RIPOR2: variants seen among roughly 807,000 people sequenced by gnomAD.
RIPOR2 encodes the protein RHO family interacting cell polarization regulator 2, also known as rho family-interacting cell polarization regulator 2.
Under a neutral mutation model 114.5 loss-of-function variants are expected in RIPOR2, and 39 were observed. That is an observed-to-expected ratio of 0.34 (90% CI 0.26 to 0.44). The LOEUF (loss-of-function observed/expected upper bound fraction) is 0.44, where lower values mean the gene tolerates loss of function less well. Among genes scored for constraint, RIPOR2 ranks in the 20% least tolerant of loss-of-function variants. The pLI is 1.00. For missense variants in RIPOR2, 1,007 were observed against 1,255.1 expected, an observed-to-expected ratio of 0.80 and a Z score of 2.99; for synonymous variants, 445 against 484.4, an observed-to-expected ratio of 0.92 and a Z score of 1.07.
At chr6:24,979,112 C>G (rs1202687811) in intron 1 of RIPOR2, among the ~76,000 whole-genome samples, 2 of 152,094 alleles carry the variant, frequency 1.3e-5, no homozygotes, top group African/African-American at 2.4e-5. Flanking sequence ...TCTATCACTC[C>G]TTATGAGATA....
intron 6 of RIPOR2, among the ~76,000 whole-genome samples, chr6:24,868,609 C>T (rs2747671): frequency 0.4 from 61,188 of 151,768 alleles, 12,990 homozygotes; most frequent in African/African-American, 0.55. Context: ...AAATGGCACC[C>T]GAAAACCATG....
chr6:24,862,656 C>T (rs886641941), intron 7 of RIPOR2, among the ~76,000 whole-genome samples: 4 of 152,256 alleles, frequency 2.6e-5, no homozygotes, highest in East Asian at 1.9e-4. Flanking sequence ...GAGTATTGGG[C>T]ACTTCTGTGA....
chr6:24,899,173 G>A (rs903591572), intron 1 of RIPOR2, among the ~76,000 whole-genome samples: 1 of 152,050 alleles, frequency 6.6e-6, no homozygotes, highest in Non-Finnish European at 1.5e-5. Context: ...GTGGGAACAA[G>A]TAGTGTGATC....
chr6:24,875,659 T>C (rs1379223498), intron 2 of RIPOR2, 32 bp downstream of exon 2: 2 of 1,597,806 alleles, frequency 1.3e-6, no homozygotes, highest in Admixed American at 3.5e-5. Context: ...CTTGGCAAGC[T>C]GCATCCCGGG....
At chr6:24,979,822 TACTTA>T (rs1448365074) in intron 1 of RIPOR2, among the ~76,000 whole-genome samples, 1 of 152,256 alleles carries the variant, frequency 6.6e-6, no homozygotes, top group African/African-American at 2.4e-5. Context: ...TCCATTTAAC[TACTTA>T]CTGCCTTTGT....
chr6:25,023,823 G>A (rs888791265), intron 1 of RIPOR2: 4 of 747,268 alleles, frequency 5.4e-6, no homozygotes, highest in South Asian at 1.3e-5. Flanking sequence ...ACTCGATCTC[G>A]AGGATGTCAG....
chr6:24,907,567 A>G (rs1353871952), intron 1 of RIPOR2, among the ~76,000 whole-genome samples: 1 of 152,240 alleles, frequency 6.6e-6, no homozygotes, highest in African/African-American at 2.4e-5. Flanking sequence ...AACCCAGAGA[A>G]GAAGTTGGTG....
intron 1 of RIPOR2, among the ~76,000 whole-genome samples, chr6:24,982,590 C>T (rs1774342588): frequency 6.6e-6 from 1 of 152,174 alleles, no homozygotes; most frequent in Non-Finnish European, 1.5e-5. Flanking sequence ...AGCCCAATGA[C>T]TTGCTTACTT....
At chr6:24,807,370 G>A (rs1780839245) in intron 21 of RIPOR2, among the ~76,000 whole-genome samples, 1 of 152,210 alleles carries the variant, frequency 6.6e-6, no homozygotes, top group Non-Finnish European at 1.5e-5. Context: ...CTACTTGGGA[G>A]GCTGAGGCAG....
At chr6:24,849,438 G>T (rs4451128) in intron 11 of RIPOR2, among the ~76,000 whole-genome samples, 111,138 of 152,146 alleles carry the variant, frequency 0.73, 41,271 homozygotes, top group East Asian at 0.9. Context: ...TCAAAGTACC[G>T]CCTATTGGAC....
chr6:24,839,585 G>A (rs1471599477), intron 13 of RIPOR2: 2 of 1,521,862 alleles, frequency 1.3e-6, no homozygotes, highest in Non-Finnish European at 1.8e-6. Flanking sequence ...ATCCATTAGA[G>A]GATCTTCTCT....
intron 17 of RIPOR2, among the ~76,000 whole-genome samples, chr6:24,829,487 G>C (rs1021139212): frequency 6.6e-6 from 1 of 151,990 alleles, no homozygotes; most frequent in African/African-American, 2.4e-5. Flanking sequence ...AATTGGCCAG[G>C]CATGTTGGCA....
rs1561855901 is a variant in RIPOR2 at position 25,031,745 on chromosome 6, AT to A, written c.76+10105del. On this transcript the variant is annotated intron_variant, in intron 1 of 13. Transcript: ENST00000510784. ...TATATATATATATATATATATATAT[AT>A]ATATAAAATATCCATAGAATATATA... 1.3e-3 allele frequency among the ~76,000 whole-genome samples: 93 copies of A among 73,496 alleles called. 4 individuals carry two copies. Among genetic ancestry groups the A allele is most frequent in the South Asian group, 2.3e-3 (5 of 2,136 alleles). The allele number at this position is 73,496 out of a possible 152,430, so 48.2% of individuals were successfully genotyped here.
intron 1 of RIPOR2, among the ~76,000 whole-genome samples, chr6:25,003,052 T>C (rs1422202131): frequency 6.6e-6 from 1 of 152,264 alleles, no homozygotes; most frequent in Non-Finnish European, 1.5e-5. Flanking sequence ...CATTTTATGG[T>C]TAAAACATGG....
chr6:24,835,678 A>T, intron 15 of RIPOR2, 25 bp downstream of exon 15: 1 of 1,547,354 alleles, frequency 6.5e-7, no homozygotes, highest in Non-Finnish European at 8.7e-7. Flanking sequence ...TGGCATCTCA[A>T]ACACAAATTC....
chr6:24,843,031 A>T lies in RIPOR2; in HGVS notation c.1688T>A (p.Leu563His), dbSNP rs760826655. ...TTCTCCACCAACAGAACCCTCAGAG[A>T]GCAGCCTGTCTGTGGCCATTGGCAC... ...AEVPMATDRL[L>H]SEGSVGGESE... The change falls in exon 13 of 22, where the codon CTC (leucine) becomes CAC (histidine). Residue 563 changes from leucine to histidine, a missense_variant. By Grantham distance (99) the Leu-to-His change is moderately conservative (BLOSUM62 -3). Coordinates refer to ENST00000643898, the MANE Select transcript of RIPOR2 (RefSeq NM_001286445.3). The T allele has an allele frequency of 1.9e-5, 30 of 1,609,360 alleles. No homozygotes were observed. In the East Asian group the frequency reaches 6.5e-4, roughly 35 times the overall value.
Position 24,998,934 on chromosome 6 carries a change from T to A in RIPOR2, c.76+42917A>T, listed in dbSNP as rs191333392. Among the ~76,000 whole-genome samples the A allele has an allele frequency of 3.0e-4, 46 of 152,196 alleles. No individual in the cohort carries two copies. In the East Asian group the frequency reaches 7.5e-3, roughly 25 times the overall value. On this transcript the variant is annotated intron_variant, in intron 1 of 13. Coordinates refer to the RIPOR2 transcript ENST00000510784. Reference sequence around the variant, plus strand: ...ACTTCTTCCACAAACTATAGGAACATTTTTGGGTGAATGTACACTATAGGG... The same window carrying A: ...ACTTCTTCCACAAACTATAGGAACAATTTTGGGTGAATGTACACTATAGGG...
intron 1 of RIPOR2, among the ~76,000 whole-genome samples, chr6:25,033,211 A>G (rs953083629): frequency 4.7e-4 from 43 of 91,600 alleles, no homozygotes; most frequent in African/African-American, 1.5e-3. Flanking sequence ...TCATCTCAAA[A>G]AAAAAAAAAA....
At chr6:24,924,556 G>T (rs1770725520) in intron 1 of RIPOR2, among the ~76,000 whole-genome samples, 1 of 151,982 alleles carries the variant, frequency 6.6e-6, no homozygotes, top group Non-Finnish European at 1.5e-5. Flanking sequence ...CCAACCCAAG[G>T]CATTCTGTCT....
Sources: allele counts gnomAD v4.1 joint callset (sites outside exome capture counted in the v4.1 genomes callset), GRCh38; gene constraint gnomAD v4.1.1; transcripts MANE v1.5; gene names NCBI Gene and HGNC (gene_info 2026-07-23, HGNC 2026-07-21).